The following TRIM64C variants were observed in gnomAD, a reference collection of about 807,000 sequenced individuals.
The protein encoded by TRIM64C is tripartite motif containing 64C.
TRIM64C carries 25 observed loss-of-function variants against 36.1 expected under a neutral mutation model. That is an observed-to-expected ratio of 0.69 (90% CI 0.51 to 0.97). The LOEUF is 0.97. Among genes scored for constraint, TRIM64C ranks in the 50% least tolerant of loss-of-function variants. TRIM64C has a pLI of 0.00. For synonymous variants in TRIM64C, 212 were observed against 185.7 expected (o/e 1.14, Z -1.15); for missense variants, 489 against 536.8 (o/e 0.91, Z 0.88).
At chr11:49,057,648 A>C in intron 2 of TRIM64C, 1 of 503,838 alleles carries the variant, frequency 2.0e-6, no homozygotes. Context: ...TCCTCTATTA[A>C]TCTCTCTTTC....
chr11:49,057,223 T>C lies in TRIM64C; in HGVS notation c.663A>G (p.Gln221=), dbSNP rs140148420. ...QLQDSQVRMT[Q]HLEGMKDMYR... is the part of the protein sequence containing the mutation. ...ACATGTCTTTCATCCCTTCTAAATG[T>C]TGGGTCATTCTCACTTGACTGTCTT... The change falls in exon 3 of 6, where the codon CAA becomes CAG. Residue 221 remains glutamine, a synonymous_variant. Transcript: ENST00000617704. The C allele has an allele frequency of 3.5e-4, 541 of 1,549,772 alleles. 15 individuals are homozygous for C. The African/African-American group carries it at 5.2e-3, about 15-fold the overall frequency.
At position 49,053,843 on chromosome 11, in the gene TRIM64C, C is replaced by T. The variant is rs557370768; in HGVS notation, c.1224G>A (p.Gly408=). 1 of 1,551,634 alleles carries T rather than the reference C, an allele frequency of 6.4e-7. No individual in the cohort carries two copies. The highest frequency in any genetic ancestry group is 2.0e-5 in the Admixed American group (1 of 50,982). The stretch of plus-strand genomic sequence containing the variant: ...ATCCATTATCATAATCCAGAAACAC[C>T]CCAACCCAACCCAGAGGCCTTTGCA... ...QYVQRPLGWV[G]VFLDYDNGSV... The change falls in exon 6 of 6, where the codon GGG becomes GGA. Residue 408 remains glycine, a synonymous_variant. Transcript: ENST00000617704.
rs886891662 is a variant in TRIM64C at position 49,056,864 on chromosome 11, C to T, written c.738+284G>A. On this transcript the variant is annotated intron_variant, in intron 3 of 5. Transcript: ENST00000617704. ...ATATACATGGATATTACTAACCTTC[C>T]CCTGGCCTAGAGTTCTAATGATCTT... Among the ~76,000 whole-genome samples, 8 of 151,850 alleles carry T rather than the reference C, an allele frequency of 5.3e-5. 1 individual carries two copies. Among genetic ancestry groups the T allele is most frequent in the African/African-American group, 1.9e-4 (8 of 41,144 alleles).
At chr11:49,054,663 T>C (rs1854792026) in intron 5 of TRIM64C, among the ~76,000 whole-genome samples, 1 of 152,168 alleles carries the variant, frequency 6.6e-6, no homozygotes, top group South Asian at 2.1e-4. Flanking sequence ...TTTATAAGTT[T>C]CTGAAAAGAA....
At chr11:49,058,370 C>T (rs1854838810) in intron 1 of TRIM64C, among the ~76,000 whole-genome samples, 198 bp from the exon 2 acceptor site, 1 of 151,750 alleles carries the variant, frequency 6.6e-6, no homozygotes, top group Non-Finnish European at 1.5e-5. Context: ...TTTTAAGGGA[C>T]CTTTCAGATA....
chr11:49,056,631 G>C (rs1213708145), intron 3 of TRIM64C, among the ~76,000 whole-genome samples: 1 of 151,854 alleles, frequency 6.6e-6, no homozygotes, highest in Non-Finnish European at 1.5e-5. Flanking sequence ...TAGGTTTCCA[G>C]TCTCATTAAT....
chr11:49,057,250 T>C lies in TRIM64C; in HGVS notation c.636A>G (p.Leu212=). 6.5e-7 allele frequency: 1 copy of C among 1,549,778 alleles called. No individual in the cohort carries two copies. Among genetic ancestry groups the C allele is most frequent in the Non-Finnish European group, 8.7e-7 (1 of 1,146,958 alleles). Residue 212 remains leucine (L), a synonymous_variant, in exon 3 of 6, where the codon CTA becomes CTG. Transcript: ENST00000617704. The stretch of plus-strand genomic sequence containing the variant: ...GGGTCATTCTCACTTGACTGTCTTG[T>C]AGTTGTTGGAAAAGCTCTTTTGCTT... ...EREAKELFQQ[L]QDSQVRMTQH...
intron 3 of TRIM64C, 142 bp downstream of exon 3, chr11:49,057,006 A>G: frequency 2.5e-6 from 3 of 1,212,568 alleles, no homozygotes; most frequent in Non-Finnish European, 3.5e-6. Flanking sequence ...GTAATAAATG[A>G]CTGGAAAAAT....
At chr11:49,057,680 T>A in intron 2 of TRIM64C, 1 of 472,882 alleles carries the variant, frequency 2.1e-6, no homozygotes, top group Non-Finnish European at 3.8e-6. Context: ...ATGTCTAATT[T>A]GCCTAAATGT....
At position 49,059,013 on chromosome 11, in the gene TRIM64C, A is replaced by C. The variant is rs7932738; in HGVS notation, c.100T>G (p.Phe34Val). The C allele has an allele frequency of 0.15, 229,485 of 1,551,692 alleles. 18,785 individuals carry two copies. Among genetic ancestry groups the C allele is most frequent in the African/African-American group, 0.29 (20,836 of 72,616 alleles). Residue 34 changes from phenylalanine to valine, a missense_variant, in exon 1 of 6, where the codon TTT becomes GTT. Physicochemically the swap from Phe to Val is conservative, Grantham distance 50. Coordinates refer to ENST00000617704, the MANE Select transcript of TRIM64C (RefSeq NM_001206631.1). Reference sequence around the variant, plus strand: ...CAGAGGCAGAGGCAGGGCCTGCAAAAGCTGTGCACACAGTCAGTGGTGACC... The same window carrying C: ...CAGAGGCAGAGGCAGGGCCTGCAAACGCTGTGCACACAGTCAGTGGTGACC... ...DPVTTDCVHS[F>V]CRPCLCLCSE...
rs1199149079 is a variant in TRIM64C, at chr11:49,058,913, T to C, written c.200A>G (p.Asn67Ser). Reference sequence around the variant, plus strand: ...GGAAGCCAGCTTTTTGAGTGCCACATTGGTGTTGAAGTTGGGCTTCTCTGA... The same window carrying C: ...GGAAGCCAGCTTTTTGAGTGCCACACTGGTGTTGAAGTTGGGCTTCTCTGA... ...KISEKPNFNT[N>S]VALKKLASLA... The change falls in exon 1 of 6, where the codon AAT becomes AGT. Residue 67 changes from asparagine (N) to serine (S), a missense_variant. Asn to Ser is a conservative substitution (Grantham distance 46, BLOSUM62 1). Coordinates refer to ENST00000617704, the MANE Select transcript of TRIM64C (RefSeq NM_001206631.1). 2 of 1,550,820 alleles carry C rather than the reference T, an allele frequency of 1.3e-6. No homozygotes were observed. Among genetic ancestry groups the C allele is most frequent in the African/African-American group, 1.4e-5 (1 of 72,618 alleles).
rs1283127328 is a variant in TRIM64C at position 49,059,029 on chromosome 11, A to G, written c.84T>C (p.Thr28=). Residue 28 remains threonine (T), a synonymous_variant, in exon 1 of 6, where the codon ACT becomes ACC. Coordinates refer to ENST00000617704, the MANE Select transcript of TRIM64C (RefSeq NM_001206631.1). ...CVNYFIDPVT[T]DCVHSFCRPC... The stretch of plus-strand genomic sequence containing the variant: ...GCCTGCAAAAGCTGTGCACACAGTC[A>G]GTGGTGACCGGGTCTATGAAGTAGT... The G allele has an allele frequency of 3.2e-6, 5 of 1,552,060 alleles. No individual in the cohort carries two copies. Among genetic ancestry groups the G allele is most frequent in the Non-Finnish European group, 4.4e-6 (5 of 1,147,426 alleles).
In TRIM64C at chr11:49,058,936, T is replaced by C. The variant is rs1465327431; in HGVS notation, c.177A>G (p.Ser59=). 4.5e-6 allele frequency: 7 copies of C among 1,551,248 alleles called. No individual in the cohort carries two copies. The highest frequency in any genetic ancestry group is 4.1e-5 in the African/African-American group (3 of 72,656). ...PMRCPLCRKI[S]EKPNFNTNVA... The stretch of plus-strand genomic sequence containing the variant: ...CATTGGTGTTGAAGTTGGGCTTCTC[T>C]GAGATTTTTCTGCACAAAGGGCAGC... The change falls in exon 1 of 6, where the codon TCA becomes TCG. Residue 59 remains serine, a synonymous_variant. Coordinates refer to ENST00000617704, the MANE Select transcript of TRIM64C (RefSeq NM_001206631.1).
Position 49,053,784 on chromosome 11 carries a change from A to G in TRIM64C, c.1283T>C (p.Leu428Pro), listed in dbSNP as rs1304571510. 6.4e-7 allele frequency: 1 copy of G among 1,551,466 alleles called. No individual in the cohort carries two copies. Among genetic ancestry groups the G allele is most frequent in the African/African-American group, 1.4e-5 (1 of 73,012 alleles). Residue 428 changes from leucine (L) to proline (P), a missense_variant, in exon 6 of 6, where the codon CTT becomes CCT. By Grantham distance (98) the Leu-to-Pro change is moderately conservative. Transcript: ENST00000617704. ...GGAGGAAGGAGGAAAACCATAGATA[A>G]GAGAACCTTTAGAAACATCAAAAAA... ...VSFFDVSKGS[L>P]IYGFPPSSFS... is the part of the protein sequence containing the mutation.
In TRIM64C at chr11:49,058,267, T is replaced by C. The variant is rs947030014; in HGVS notation, c.413-95A>G. On this transcript the variant is annotated intron_variant, in intron 1 of 5. Transcript: ENST00000617704. Reference sequence around the variant, plus strand: ...AGGCCGTAATTGAAAGAAACATAAATTAAGTTAGAGTGGAGTGGTCAGATT... The same window carrying C: ...AGGCCGTAATTGAAAGAAACATAAACTAAGTTAGAGTGGAGTGGTCAGATT... 4.1e-5 allele frequency: 38 copies of C among 920,244 alleles called. No homozygotes were observed. In the Admixed American group the frequency reaches 8.4e-4, roughly 20 times the overall value. 57.0% of individuals were successfully genotyped at this position (920,244 alleles called of 1,614,324 possible). A position where few individuals can be genotyped will look rare whatever the true frequency, so the allele number is the denominator to read the frequency against.
chr11:49,057,572 C>A (rs1327887958), intron 2 of TRIM64C, among the ~76,000 whole-genome samples, 194 bp from the exon 3 acceptor site: 1 of 151,648 alleles, frequency 6.6e-6, no homozygotes, highest in Non-Finnish European at 1.5e-5. Flanking sequence ...TAAATCAAAC[C>A]AATATAAAGA....
chr11:49,054,454 C>T (rs1854790267), intron 5 of TRIM64C, among the ~76,000 whole-genome samples: 1 of 152,102 alleles, frequency 6.6e-6, no homozygotes, highest in Admixed American at 6.6e-5. Context: ...GATTTAATGT[C>T]TATCTCTTCA....
chr11:49,053,847 A>G lies in TRIM64C; in HGVS notation c.1220T>C (p.Val407Ala). 6 of 1,551,732 alleles carry G rather than the reference A, an allele frequency of 3.9e-6. No individual in the cohort carries two copies. The highest frequency in any genetic ancestry group is 4.4e-6 in the Non-Finnish European group (5 of 1,146,866). The stretch of plus-strand genomic sequence containing the variant: ...ATTATCATAATCCAGAAACACCCCA[A>G]CCCAACCCAGAGGCCTTTGCACATA... ...IQYVQRPLGW[V>A]GVFLDYDNGS... Residue 407 changes from valine to alanine, a missense_variant, in exon 6 of 6, where the codon GTT becomes GCT. Val to Ala is a moderately conservative substitution (Grantham distance 64, BLOSUM62 0). Coordinates refer to ENST00000617704, the MANE Select transcript of TRIM64C (RefSeq NM_001206631.1).
chr11:49,055,258 G>A (rs975954463), intron 5 of TRIM64C, 52 bp downstream of exon 5: 12 of 1,532,096 alleles, frequency 7.8e-6, no homozygotes, highest in African/African-American at 5.5e-5. Context: ...TCAACCAAGG[G>A]ACCCAATAAG....
Sources: gnomAD v4.1 joint callset for allele counts (sites outside exome capture counted in the v4.1 genomes callset) on GRCh38, gnomAD v4.1.1 for gene constraint, MANE v1.5 for transcripts, NCBI Gene and HGNC (gene_info 2026-07-23, HGNC 2026-07-21) for gene names.